The following WDR70 variants were observed in gnomAD, a reference collection of about 807,000 sequenced individuals.
WDR70 encodes the protein WD repeat domain 70.
In WDR70, 53 loss-of-function variants were observed where a neutral mutation model predicts 88.6. The ratio of observed to expected loss-of-function variants is 0.60; its 90% CI spans 0.48 to 0.75. WDR70 has a LOEUF of 0.75. WDR70 is among the 30% of genes least tolerant of loss of function. The pLI is 0.00. For synonymous variants in WDR70, 280 were observed against 270.0 expected (o/e 1.04, Z -0.36); for missense variants, 610 against 823.2 (o/e 0.74, Z 3.17).
intron 9 of WDR70, among the ~76,000 whole-genome samples, chr5:37,585,777 CT>C (rs1308230039): frequency 2.0e-5 from 3 of 152,182 alleles, no homozygotes; most frequent in Non-Finnish European, 4.4e-5. Flanking sequence ...GGACACATTG[CT>C]TGGGTTCCTG....
intron 8 of WDR70, among the ~76,000 whole-genome samples, chr5:37,483,353 C>T (rs1271175931): frequency 3.9e-5 from 6 of 152,012 alleles, no homozygotes; most frequent in African/African-American, 1.4e-4. Context: ...GCACATCTTG[C>T]ACCGCCCTTA....
chr5:37,572,797 A>G (rs1202952622), intron 9 of WDR70, among the ~76,000 whole-genome samples: 1 of 152,172 alleles, frequency 6.6e-6, no homozygotes, highest in Admixed American at 6.5e-5. Flanking sequence ...ACATAGTGAT[A>G]TTTTCTAAAA....
chr5:37,457,858 C>A (rs143155417), intron 7 of WDR70, among the ~76,000 whole-genome samples: 3 of 152,018 alleles, frequency 2.0e-5, no homozygotes, highest in Admixed American at 6.6e-5. Flanking sequence ...ACTTCCAACA[C>A]TATGTTGAAT....
chr5:37,504,316 T>G (rs1208610800), intron 8 of WDR70, among the ~76,000 whole-genome samples: 2 of 152,140 alleles, frequency 1.3e-5, no homozygotes, highest in Non-Finnish European at 1.5e-5. Context: ...TCTGATACAG[T>G]ACCATTCTGT....
chr5:37,660,799 G>A (rs191729976), intron 10 of WDR70, among the ~76,000 whole-genome samples: 4 of 152,150 alleles, frequency 2.6e-5, no homozygotes, highest in African/African-American at 9.6e-5. Flanking sequence ...TGTGACTACA[G>A]TTGGCCCAAC....
intron 9 of WDR70, among the ~76,000 whole-genome samples, chr5:37,530,921 T>G (rs1741463686): frequency 6.6e-6 from 1 of 152,122 alleles, no homozygotes. Context: ...GACTTTCTGA[T>G]GTAGGCATTT....
chr5:37,605,030 TTA>T, intron 9 of WDR70, 32 bp from the exon 10 acceptor site: 1 of 1,527,932 alleles, frequency 6.5e-7, no homozygotes, highest in Non-Finnish European at 8.8e-7. Context: ...CTTTTTTTTT[TTA>T]AATAAATGAA....
Position 37,468,654 on chromosome 5 carries a change from C to T in WDR70, c.687-11180C>T, listed in dbSNP as rs1739234112. Among the ~76,000 whole-genome samples the T allele has an allele frequency of 2.6e-5, 4 of 152,162 alleles. No homozygotes were observed. The South Asian group carries it at 8.3e-4, about 32-fold the overall frequency. ...CAAATATATAATACATTATTGTTAA[C>T]TATATTCATCCTACTATGCAATAGG... On this transcript the variant is annotated intron_variant, in intron 7 of 17. Coordinates refer to ENST00000265107, the MANE Select transcript of WDR70 (RefSeq NM_018034.4).
intron 7 of WDR70, among the ~76,000 whole-genome samples, chr5:37,454,963 G>GT (rs1322549158): frequency 6.6e-6 from 1 of 152,094 alleles, no homozygotes; most frequent in Non-Finnish European, 1.5e-5. Flanking sequence ...AATACTACCA[G>GT]TTTTTTGGTG....
intron 10 of WDR70, among the ~76,000 whole-genome samples, chr5:37,653,564 G>T (rs183489019): frequency 4.0e-4 from 61 of 152,174 alleles, no homozygotes; most frequent in Middle Eastern, 6.8e-3. Flanking sequence ...GAATCCATCT[G>T]GTCCTGGGCT....
intron 10 of WDR70, among the ~76,000 whole-genome samples, chr5:37,676,305 CTT>C (rs1162788671): frequency 1.3e-5 from 2 of 150,132 alleles, no homozygotes; most frequent in African/African-American, 2.4e-5. Context: ...GCATCCCTGT[CTT>C]GTGCCAGTTT....
At chr5:37,636,291 T>C (rs1426669043) in intron 10 of WDR70, among the ~76,000 whole-genome samples, 1 of 152,168 alleles carries the variant, frequency 6.6e-6, no homozygotes, top group African/African-American at 2.4e-5. Context: ...ATAGAAATAA[T>C]AAGTAGATAA....
At chr5:37,739,180 G>A (rs1748393320) in intron 17 of WDR70, among the ~76,000 whole-genome samples, 1 of 152,194 alleles carries the variant, frequency 6.6e-6, no homozygotes, top group Admixed American at 6.5e-5. Context: ...ATGGGTAAGT[G>A]TGGGCCATAA....
chr5:37,379,520 G>T lies in WDR70; in HGVS notation c.57G>T (p.Pro19=), dbSNP rs767900939. 1 of 1,614,020 alleles carries T rather than the reference G, an allele frequency of 6.2e-7. No individual in the cohort carries two copies. Among genetic ancestry groups the T allele is most frequent in the South Asian group, 1.1e-5 (1 of 91,076 alleles). Reference sequence around the variant, plus strand: ...GCTCAGACGCGTCGGGACCGGACCCGCAGCTTGCGGTCACCATGGGCTTCA... The same window carrying T: ...GCTCAGACGCGTCGGGACCGGACCCTCAGCTTGCGGTCACCATGGGCTTCA... ...VTGSDASGPD[P]QLAVTMGFTG... Residue 19 remains proline (P), a synonymous_variant, in exon 2 of 18, where the codon CCG becomes CCT. Transcript: ENST00000265107.
intron 9 of WDR70, among the ~76,000 whole-genome samples, chr5:37,569,980 A>G (rs1159787079): frequency 1.3e-5 from 2 of 152,172 alleles, no homozygotes; most frequent in African/African-American, 2.4e-5. Context: ...ATAGTAAGAG[A>G]CGAGTTCAGA....
At chr5:37,680,797 T>A (rs1239099106) in intron 10 of WDR70, among the ~76,000 whole-genome samples, 1 of 152,226 alleles carries the variant, frequency 6.6e-6, no homozygotes, top group Non-Finnish European at 1.5e-5. Context: ...TTTTGGTTAC[T>A]GTTACCCTGT....
chr5:37,591,452 G>A (rs973555528), intron 9 of WDR70, among the ~76,000 whole-genome samples: 11 of 151,272 alleles, frequency 7.3e-5, no homozygotes, highest in East Asian at 1.9e-4. Flanking sequence ...TAACTTAGAC[G>A]AAATGGAAAA....
chr5:37,741,715 C>G (rs1031469088), intron 17 of WDR70, among the ~76,000 whole-genome samples: 2 of 152,110 alleles, frequency 1.3e-5, no homozygotes, highest in Non-Finnish European at 2.9e-5. Flanking sequence ...AGGCCATGGA[C>G]CAATAGCAGT....
At chr5:37,563,631 TGGGGCGGC>T (rs1742623022) in intron 9 of WDR70, among the ~76,000 whole-genome samples, 1 of 52,252 alleles carries the variant, frequency 1.9e-5, no homozygotes, top group African/African-American at 5.0e-5. Flanking sequence ...TCCCCCCGGA[TGGGGCGGC>T]TGGCCGGGCG....
Sources: gnomAD v4.1 joint callset for allele counts (sites outside exome capture counted in the v4.1 genomes callset) on GRCh38, gnomAD v4.1.1 for gene constraint, MANE v1.5 for transcripts, NCBI Gene and HGNC (gene_info 2026-07-23, HGNC 2026-07-21) for gene names.